FANK1: variants seen among roughly 807,000 people sequenced by gnomAD.
FANK1 encodes the protein fibronectin type 3 and ankyrin repeat domains protein 1.
In FANK1, 44 loss-of-function variants were observed where a neutral mutation model predicts 45.3. The ratio of observed to expected loss-of-function variants is 0.97; its 90% CI spans 0.76 to 1.25. The LOEUF (loss-of-function observed/expected upper bound fraction) is 1.25. FANK1 is among the 50% of genes most tolerant of loss of function. The pLI, the probability that FANK1 is intolerant of heterozygous loss-of-function variation, is 0.00. For missense variants in FANK1, 391 were observed against 424.4 expected, an observed-to-expected ratio of 0.92 and a Z score of 0.69; for synonymous variants, 149 against 152.5, an observed-to-expected ratio of 0.98 and a Z score of 0.17.
intron 1 of FANK1, among the ~76,000 whole-genome samples, chr10:125,947,100 GCTC>G (rs1273147744): frequency 4.7e-5 from 7 of 148,604 alleles, no homozygotes; most frequent in Non-Finnish European, 9.0e-5. Context: ...CCCTAAAAGA[GCTC>G]CTGAAGGAAG....
chr10:126,009,438 AT>A lies in FANK1; in HGVS notation c.*1del. On this transcript the variant is annotated 3_prime_UTR_variant, in exon 11 of 11. Transcript: ENST00000368693. ...GGCCAAAGAAGTCTTGTGTCTGCTGATGAGAGCACCACTCATCTGCGAAACG... is the reference window on the plus strand; with the variant it reads ...GGCCAAAGAAGTCTTGTGTCTGCTGAGAGAGCACCACTCATCTGCGAAACG... 6.2e-7 allele frequency: 1 copy of A among 1,614,152 alleles called. No homozygotes were observed. Among genetic ancestry groups the A allele is most frequent in the Non-Finnish European group, 8.5e-7 (1 of 1,180,020 alleles).
intron 3 of FANK1, among the ~76,000 whole-genome samples, chr10:125,993,939 T>C (rs955230304): frequency 1.1e-4 from 16 of 152,234 alleles, no homozygotes; most frequent in Admixed American, 3.3e-4. Flanking sequence ...TTTATTCTCC[T>C]GTCTCACTGT....
chr10:125,966,530 G>A (rs989273009), intron 1 of FANK1, among the ~76,000 whole-genome samples: 1 of 152,116 alleles, frequency 6.6e-6, no homozygotes, highest in African/African-American at 2.4e-5. Context: ...GGTTACACCT[G>A]TGCCCTCAGG....
intron 1 of FANK1, among the ~76,000 whole-genome samples, chr10:125,948,256 A>G (rs1342100747): frequency 1.3e-5 from 2 of 151,764 alleles, no homozygotes; most frequent in African/African-American, 4.8e-5. Context: ...GCAAGAAATA[A>G]CTAAAATCAG....
rs114899531 is a variant in FANK1 at position 125,960,219 on chromosome 10, T to C, written c.14-19942T>C. Reference sequence around the variant, plus strand: ...AGTCTTCAGGGTAAAGCACAGGATCTGGACTCCAGGAGGGGGGTTACTTCC... The same window carrying C: ...AGTCTTCAGGGTAAAGCACAGGATCCGGACTCCAGGAGGGGGGTTACTTCC... On this transcript the variant is annotated intron_variant, in intron 1 of 10. Transcript: ENST00000368693. The C allele has an allele frequency of 5.2e-3, 1,461 of 281,776 alleles. 22 individuals are homozygous for C. The highest frequency in any genetic ancestry group is 0.03 in the African/African-American group (1,339 of 44,282). The allele number at this position is 281,776 out of a possible 1,614,324, so 17.5% of individuals were successfully genotyped here.
intron 1 of FANK1, among the ~76,000 whole-genome samples, chr10:125,948,781 A>G (rs1481212582): frequency 6.6e-6 from 1 of 151,086 alleles, no homozygotes; most frequent in African/African-American, 2.4e-5. Flanking sequence ...GGCCAGCATC[A>G]TTCTGATACC....
chr10:125,991,278 T>TGTGTGTGTGTG (rs60170742), intron 3 of FANK1, among the ~76,000 whole-genome samples: 5 of 147,170 alleles, frequency 3.4e-5, no homozygotes, highest in African/African-American at 7.6e-5. Flanking sequence ...TGTGTGTGTG[T>TGTGTGTGTGTG]TGGGGGAGTG....
intron 1 of FANK1, among the ~76,000 whole-genome samples, chr10:125,924,834 T>C (rs1392304860): frequency 4.5e-4 from 68 of 151,732 alleles, no homozygotes; most frequent in Non-Finnish European, 7.5e-4. Context: ...AAAAAGACTA[T>C]CATTTTCCCC....
At chr10:125,905,977 T>C (rs1945474096) in intron 1 of FANK1, among the ~76,000 whole-genome samples, 2 of 152,312 alleles carry the variant, frequency 1.3e-5, no homozygotes, top group Admixed American at 1.3e-4. Context: ...AGTGAGAAAA[T>C]AATCAAATTC....
In FANK1 at chr10:125,998,572, G is replaced by GTA. The variant is rs139902299; in HGVS notation, c.539+1087_539+1088insTA. Reference sequence around the variant, plus strand: ...AAAAATAGAAAGGTTATTGAGAAATGAGAGTTGCCTCTTAAACAAAAAGCT... The same window carrying GTA: ...AAAAATAGAAAGGTTATTGAGAAATGTAAGAGTTGCCTCTTAAACAAAAAGCT... On this transcript the variant is annotated intron_variant, in intron 6 of 10. Transcript: ENST00000368693. Among the ~76,000 whole-genome samples, 1,126 of 152,204 alleles carry GTA rather than the reference G, an allele frequency of 7.4e-3. 13 individuals carry two copies. Among genetic ancestry groups the GTA allele is most frequent in the African/African-American group, 0.023 (965 of 41,556 alleles).
intron 1 of FANK1, among the ~76,000 whole-genome samples, chr10:125,951,697 T>C (rs1193274631): frequency 6.6e-6 from 1 of 152,230 alleles, no homozygotes; most frequent in Non-Finnish European, 1.5e-5. Flanking sequence ...CATTGTTTTA[T>C]AGGAGTGTTC....
At chr10:125,956,253 T>C (rs1354544338) in intron 1 of FANK1, among the ~76,000 whole-genome samples, 1 of 150,378 alleles carries the variant, frequency 6.6e-6, no homozygotes, top group African/African-American at 2.4e-5. Flanking sequence ...AGGATGAGGA[T>C]TGAATATATT....
At chr10:125,974,566 G>A (rs1196787156) in intron 1 of FANK1, among the ~76,000 whole-genome samples, 1 of 152,130 alleles carries the variant, frequency 6.6e-6, no homozygotes, top group African/African-American at 2.4e-5. Context: ...ACACAGCTTG[G>A]TATACACTCT....
At chr10:125,942,523 C>G (rs1285896379) in intron 1 of FANK1, among the ~76,000 whole-genome samples, 2 of 151,958 alleles carry the variant, frequency 1.3e-5, no homozygotes, top group Non-Finnish European at 2.9e-5. Flanking sequence ...AGGAGGAGGA[C>G]ATTTTTTAAC....
At chr10:125,963,537 T>C (rs990916383) in intron 1 of FANK1, among the ~76,000 whole-genome samples, 1 of 152,292 alleles carries the variant, frequency 6.6e-6, no homozygotes, top group African/African-American at 2.4e-5. Flanking sequence ...ATGTGGCACA[T>C]ATACACCATG....
intron 1 of FANK1, among the ~76,000 whole-genome samples, chr10:125,912,424 T>G (rs560429191): frequency 1.5e-4 from 23 of 151,094 alleles, no homozygotes; most frequent in Non-Finnish European, 2.8e-4. Flanking sequence ...TTTTGTTTCC[T>G]TTTTATTGGC....
intron 1 of FANK1, chr10:125,972,909 C>CAT (rs2134193149): frequency 6.5e-6 from 1 of 154,486 alleles, no homozygotes; most frequent in Non-Finnish European, 1.4e-5. Context: ...CACACACACA[C>CAT]ACACACACAC....
At chr10:125,990,173 A>G (rs1023674847) in intron 3 of FANK1, among the ~76,000 whole-genome samples, 3 of 152,156 alleles carry the variant, frequency 2.0e-5, no homozygotes, top group Non-Finnish European at 2.9e-5. Flanking sequence ...TTGCATCTTA[A>G]GTATTTGTCT....
At chr10:125,974,967 T>C (rs1950767262) in intron 1 of FANK1, 1 of 152,196 alleles carries the variant, frequency 6.6e-6, no homozygotes, top group South Asian at 2.1e-4. Context: ...ATACGCTCAA[T>C]ACCCAATAGT....
Sources: allele counts gnomAD v4.1 joint callset (sites outside exome capture counted in the v4.1 genomes callset), GRCh38; gene constraint gnomAD v4.1.1; transcripts MANE v1.5; gene names NCBI Gene and HGNC (gene_info 2026-07-23, HGNC 2026-07-21).